Variants in PARD3B observed in about 807,000 individuals in gnomAD.
The protein encoded by PARD3B is par-3 family cell polarity regulator beta.
In PARD3B, 103 loss-of-function variants were observed where a neutral mutation model predicts 130.2. The ratio of observed to expected loss-of-function variants is 0.79; its 90% CI spans 0.67 to 0.93. The LOEUF is 0.93. Ranked by LOEUF, PARD3B falls within the 40% of genes least tolerant of loss-of-function variation. The pLI is 0.00. For missense variants in PARD3B, 1,609 were observed against 1,499.2 expected (o/e 1.07, Z -1.21); for synonymous variants, 583 against 553.2 (o/e 1.05, Z -0.76).
At chr2:205,378,179 A>G (rs1371498747) in intron 18 of PARD3B, among the ~76,000 whole-genome samples, 1 of 152,160 alleles carries the variant, frequency 6.6e-6, no homozygotes, top group Non-Finnish European at 1.5e-5. Context: ...TTGCAGGGGG[A>G]CCAAGGGTCC....
At chr2:205,376,247 G>T (rs541697726) in intron 18 of PARD3B, among the ~76,000 whole-genome samples, 1 of 152,162 alleles carries the variant, frequency 6.6e-6, no homozygotes, top group Non-Finnish European at 1.5e-5. Flanking sequence ...AACAGCTGGG[G>T]ATCAAAGCAG....
intron 15 of PARD3B, among the ~76,000 whole-genome samples, chr2:205,231,095 A>C (rs1435160685): frequency 6.6e-6 from 1 of 152,040 alleles, no homozygotes; most frequent in Non-Finnish European, 1.5e-5. Flanking sequence ...ATGAAGTAAA[A>C]GTGGTTACTG....
intron 2 of PARD3B, among the ~76,000 whole-genome samples, chr2:204,843,136 C>T (rs1280053182): frequency 6.6e-6 from 1 of 151,898 alleles, no homozygotes; most frequent in Non-Finnish European, 1.5e-5. Context: ...TAAACCTCGG[C>T]CCATACTTTG....
rs964837837 is a variant in PARD3B at position 205,473,373 on chromosome 2, A to C, written c.3045-26523A>C. On this transcript the variant is annotated intron_variant, in intron 20 of 22. Transcript: ENST00000406610. This position sits in a 1 kb window ranked among gnomAD's most constrained non-coding sequence, Gnocchi z 4.9. ...TCTATTTATGATTCAGACAACCAACAAAGTAATGAGATTCTGTGTTATGGT... is the reference window on the plus strand; with the variant it reads ...TCTATTTATGATTCAGACAACCAACCAAGTAATGAGATTCTGTGTTATGGT... Among the ~76,000 whole-genome samples the C allele has an allele frequency of 3.3e-5, 5 of 152,112 alleles. No homozygotes were observed. Among genetic ancestry groups the C allele is most frequent in the African/African-American group, 4.8e-5 (2 of 41,456 alleles).
At chr2:204,614,647 G>A (rs935459103) in intron 1 of PARD3B, among the ~76,000 whole-genome samples, 1 of 152,112 alleles carries the variant, frequency 6.6e-6, no homozygotes, top group African/African-American at 2.4e-5. Flanking sequence ...GGCCTGTTGG[G>A]GGATATTTAA....
intron 3 of PARD3B, among the ~76,000 whole-genome samples, chr2:205,022,825 G>A (rs1467972445): frequency 1.3e-5 from 2 of 152,152 alleles, no homozygotes; most frequent in East Asian, 3.9e-4. Context: ...AGGTCGACTA[G>A]GCTGACAGTA....
chr2:204,855,539 T>TA (rs934588964), intron 2 of PARD3B, among the ~76,000 whole-genome samples: 7 of 133,842 alleles, frequency 5.2e-5, no homozygotes, highest in Non-Finnish European at 9.2e-5. Flanking sequence ...AGACTCCCTC[T>TA]AAAAGAAAAA....
intron 3 of PARD3B, among the ~76,000 whole-genome samples, chr2:205,035,805 ATATATATATATATATCTATATATC>A (rs1174859580): frequency 5.5e-3 from 38 of 6,944 alleles, no homozygotes; most frequent in South Asian, 0.029. Context: ...TCTCATATAT[ATATATATATATATATCTATATATC>A]TATATATATA....
intron 2 of PARD3B, among the ~76,000 whole-genome samples, chr2:204,849,630 G>A (rs2044626015): frequency 6.6e-6 from 1 of 152,098 alleles, no homozygotes; most frequent in Admixed American, 6.6e-5. Flanking sequence ...TCATACATTA[G>A]GCCTTCATGG....
At chr2:204,744,264 A>G (rs2040128067) in intron 2 of PARD3B, among the ~76,000 whole-genome samples, 1 of 152,152 alleles carries the variant, frequency 6.6e-6, no homozygotes, top group Admixed American at 6.6e-5. Flanking sequence ...ACTGTGGACA[A>G]AAGATGGGGT....
chr2:205,313,346 A>G (rs746256322), intron 18 of PARD3B, among the ~76,000 whole-genome samples: 1 of 152,206 alleles, frequency 6.6e-6, no homozygotes, highest in Admixed American at 6.5e-5. Flanking sequence ...GCTGTCAAGC[A>G]TATCTGCAAA....
chr2:204,699,733 C>G (rs1184337609), intron 2 of PARD3B, among the ~76,000 whole-genome samples: 2 of 152,018 alleles, frequency 1.3e-5, no homozygotes, highest in Non-Finnish European at 2.9e-5. Flanking sequence ...GGCATCAACA[C>G]TCAAACTATT....
At chr2:204,696,487 G>A (rs1440165917) in intron 2 of PARD3B, among the ~76,000 whole-genome samples, 1 of 151,960 alleles carries the variant, frequency 6.6e-6, no homozygotes, top group Non-Finnish European at 1.5e-5. Context: ...TTATTAATTA[G>A]CCATATTGTG....
At chr2:205,279,091 A>C (rs868702959) in intron 16 of PARD3B, among the ~76,000 whole-genome samples, 1,675 of 150,386 alleles carry the variant, frequency 0.011, 50 homozygotes, top group African/African-American at 0.037. Flanking sequence ...AAAAAAAAAA[A>C]AAAAACAGTT....
intron 1 of PARD3B, among the ~76,000 whole-genome samples, chr2:204,548,728 T>G (rs2030206707): frequency 6.6e-6 from 1 of 152,170 alleles, no homozygotes; most frequent in Non-Finnish European, 1.5e-5. Context: ...AATTATATAT[T>G]TTATGAGGTC....
chr2:204,786,732 C>T (rs1205611071), intron 2 of PARD3B, among the ~76,000 whole-genome samples: 1 of 150,422 alleles, frequency 6.6e-6, no homozygotes, highest in Non-Finnish European at 1.5e-5. Context: ...AACAAAACAC[C>T]GTATCTAAAA....
At chr2:204,626,774 G>C (rs148152979) in intron 1 of PARD3B, among the ~76,000 whole-genome samples, 69 of 151,646 alleles carry the variant, frequency 4.6e-4, no homozygotes, top group African/African-American at 1.6e-3. Context: ...CCCACTCCCA[G>C]TTTTGAAAGA....
At chr2:204,888,446 TAGA>T (rs1358696261) in intron 2 of PARD3B, among the ~76,000 whole-genome samples, 2 of 151,992 alleles carry the variant, frequency 1.3e-5, no homozygotes, top group Non-Finnish European at 1.5e-5. Context: ...ATAAATGTGT[TAGA>T]AGGTGTGAAG....
intron 3 of PARD3B, among the ~76,000 whole-genome samples, chr2:204,999,219 C>G (rs1450146902): frequency 6.6e-6 from 1 of 151,772 alleles, no homozygotes; most frequent in East Asian, 1.9e-4. Context: ...ATCCAATGGT[C>G]CTATAATTCA....
Sources: allele counts gnomAD v4.1 joint callset (sites outside exome capture counted in the v4.1 genomes callset), GRCh38; gene constraint gnomAD v4.1.1; non-coding constraint Gnocchi (gnomAD v3.1); transcripts MANE v1.5; gene names NCBI Gene and HGNC (gene_info 2026-07-23, HGNC 2026-07-21).